AFF2: variants seen among roughly 807,000 people sequenced by gnomAD.
The protein encoded by AFF2 is AF4/FMR2 family member 2.
In AFF2, 14 loss-of-function variants were observed where a neutral mutation model predicts 76.9. That is an observed-to-expected ratio of 0.18 (90% CI 0.12 to 0.28). The LOEUF is 0.28. Ranked by LOEUF, AFF2 falls within the 10% of genes least tolerant of loss-of-function variation. The pLI, the probability that AFF2 is intolerant of heterozygous loss-of-function variation, is 1.00. For missense variants in AFF2, 868 were observed against 1,001.1 expected, an observed-to-expected ratio of 0.87 and a Z score of 1.79; for synonymous variants, 398 against 366.7, an observed-to-expected ratio of 1.09 and a Z score of -0.98.
intron 1 of AFF2, among the ~76,000 whole-genome samples, chrX:148,592,384 C>T (rs1557246779): frequency 9.1e-6 from 1 of 110,252 alleles, no homozygotes; most frequent in Admixed American, 9.7e-5. Context: ...CCATTTATCC[C>T]TTAGAAGATT....
chrX:148,672,755 A>G (rs1323225701), intron 3 of AFF2, among the ~76,000 whole-genome samples: 2 of 112,181 alleles, frequency 1.8e-5, no homozygotes, highest in Admixed American at 1.9e-4. Context: ...TGAGTAACAT[A>G]TGACACAACT....
intron 1 of AFF2, among the ~76,000 whole-genome samples, chrX:148,572,121 A>G (rs1355353182): frequency 9.0e-6 from 1 of 111,481 alleles, no homozygotes; most frequent in Non-Finnish European, 1.9e-5. Flanking sequence ...TATTCAAAGT[A>G]GATACACAAA....
chrX:148,725,362 G>T (rs2055143679), intron 3 of AFF2, among the ~76,000 whole-genome samples: 1 of 110,867 alleles, frequency 9.0e-6, no homozygotes, highest in South Asian at 3.8e-4. Flanking sequence ...CTCTTACCAG[G>T]ATTTGGTCTG....
chrX:148,632,046 T>C (rs144373274), intron 1 of AFF2, among the ~76,000 whole-genome samples: 268 of 112,093 alleles, frequency 2.4e-3, no homozygotes, highest in Non-Finnish European at 4.4e-3. Flanking sequence ...AGCCATCATT[T>C]TGGATTTCAC....
At chrX:148,792,408 G>A (rs926732674) in intron 3 of AFF2, among the ~76,000 whole-genome samples, 2 of 112,590 alleles carry the variant, frequency 1.8e-5, no homozygotes, top group Admixed American at 9.4e-5. Context: ...AGCCGAGAGC[G>A]TGCCACTGCA....
intron 5 of AFF2, among the ~76,000 whole-genome samples, chrX:148,841,665 C>T (rs1557274294): frequency 8.9e-6 from 1 of 111,734 alleles, no homozygotes; most frequent in Non-Finnish European, 1.9e-5. Flanking sequence ...GGCTCCTTTG[C>T]TATTGGTTTT....
At chrX:148,673,844 A>G (rs782258332) in intron 3 of AFF2, among the ~76,000 whole-genome samples, 11 of 112,222 alleles carry the variant, frequency 9.8e-5, no homozygotes, top group Non-Finnish European at 2.1e-4. Context: ...GACTGCGACT[A>G]TGAGAAAGAC....
At chrX:148,543,332 G>A (rs1168598829) in intron 1 of AFF2, among the ~76,000 whole-genome samples, 1 of 111,715 alleles carries the variant, frequency 9.0e-6, no homozygotes, top group Non-Finnish European at 1.9e-5. Context: ...GTGTTCTTTT[G>A]CCTTACTTTT....
chrX:148,619,881 GT>G (rs1226953971), intron 1 of AFF2, among the ~76,000 whole-genome samples: 2 of 111,862 alleles, frequency 1.8e-5, no homozygotes, highest in African/African-American at 6.5e-5. Context: ...GCATATTTTT[GT>G]TTGCTTTAGC....
chrX:148,691,902 A>G (rs1257314191), intron 3 of AFF2, among the ~76,000 whole-genome samples: 1 of 111,970 alleles, frequency 8.9e-6, no homozygotes, highest in Non-Finnish European at 1.9e-5. Context: ...TCACCATTCA[A>G]CTGGAGTTGG....
chrX:148,916,822 C>T (rs782756760), intron 9 of AFF2, among the ~76,000 whole-genome samples: 1 of 111,882 alleles, frequency 8.9e-6, no homozygotes, highest in Non-Finnish European at 1.9e-5. Flanking sequence ...GAAGTGTCAC[C>T]TCCCACAAGA....
chrX:148,613,422 G>A (rs782753776), intron 1 of AFF2, among the ~76,000 whole-genome samples: 2 of 111,497 alleles, frequency 1.8e-5, no homozygotes, highest in Admixed American at 9.5e-5. Context: ...GCTTGTCTAC[G>A]GATTGATCTT....
chrX:148,669,509 T>C (rs2054398204), intron 3 of AFF2, among the ~76,000 whole-genome samples: 1 of 111,803 alleles, frequency 8.9e-6, no homozygotes, highest in Non-Finnish European at 1.9e-5. Flanking sequence ...GCCTCACAAT[T>C]GTAGCAGTAA....
chrX:148,588,097 C>T (rs781829041), intron 1 of AFF2, among the ~76,000 whole-genome samples: 1 of 112,672 alleles, frequency 8.9e-6, no homozygotes, highest in African/African-American at 3.2e-5. Context: ...TAGCCTGCTC[C>T]CTTACTCTCT....
At chrX:148,792,216 T>C (rs1245867003) in intron 3 of AFF2, among the ~76,000 whole-genome samples, 3 of 112,024 alleles carry the variant, frequency 2.7e-5, no homozygotes. Flanking sequence ...AGAGTTGTCA[T>C]GTAGAATAAG....
intron 7 of AFF2, among the ~76,000 whole-genome samples, chrX:148,847,776 T>A (rs914481530): frequency 2.7e-5 from 3 of 111,680 alleles, no homozygotes; most frequent in African/African-American, 9.8e-5. Context: ...TAATAATTAT[T>A]GTGCTGTTGA....
intron 1 of AFF2, among the ~76,000 whole-genome samples, chrX:148,545,425 G>T (rs188223321): frequency 4.2e-4 from 47 of 112,162 alleles, no homozygotes; most frequent in African/African-American, 1.4e-3. Flanking sequence ...AGCCTGCTGT[G>T]TTGGAAAGCC....
chrX:148,982,341 A>T (rs1168621837), intron 19 of AFF2, among the ~76,000 whole-genome samples: 2 of 111,775 alleles, frequency 1.8e-5, no homozygotes, highest in African/African-American at 6.5e-5. Flanking sequence ...CTTTGCGTGC[A>T]TCTGCAGCAC....
intron 1 of AFF2, among the ~76,000 whole-genome samples, chrX:148,504,064 A>G (rs1256722516): frequency 8.9e-6 from 1 of 112,229 alleles, no homozygotes; most frequent in Non-Finnish European, 1.9e-5. Flanking sequence ...CATTTAAATC[A>G]TTCCATAGAC....
Sources: gnomAD v4.1 joint callset for allele counts (sites outside exome capture counted in the v4.1 genomes callset) on GRCh38, gnomAD v4.1.1 for gene constraint, MANE v1.5 for transcripts, NCBI Gene and HGNC (gene_info 2026-07-23, HGNC 2026-07-21) for gene names.